The following EBF2 variants were observed in gnomAD, a reference collection of about 807,000 sequenced individuals.
EBF2 encodes transcription factor COE2.
EBF2 carries 21 observed loss-of-function variants against 72.8 expected under a neutral mutation model. That is an observed-to-expected ratio of 0.29 (90% confidence interval 0.20 to 0.42). The LOEUF is 0.42. Among genes scored for constraint, EBF2 ranks in the 10% least tolerant of loss-of-function variants. EBF2 has a pLI of 1.00. For missense variants in EBF2, 637 were observed against 731.2 expected (o/e 0.87, Z 1.49); for synonymous variants, 299 against 274.2 (o/e 1.09, Z -0.89).
chr8:25,943,819 G>A (rs2062408), intron 6 of EBF2, among the ~76,000 whole-genome samples: 132,524 of 152,196 alleles, frequency 0.87, 57,877 homozygotes, highest in African/African-American at 0.93. Flanking sequence ...GATTTGGAAC[G>A]TCATTTTCCT....
intron 10 of EBF2, among the ~76,000 whole-genome samples, chr8:25,876,933 T>G (rs1014980084): frequency 6.6e-6 from 1 of 152,230 alleles, no homozygotes; most frequent in African/African-American, 2.4e-5. Context: ...ATTACTGAAC[T>G]GCTGTCATTT....
chr8:25,875,208 C>T (rs1319998432), intron 10 of EBF2, among the ~76,000 whole-genome samples: 1 of 152,232 alleles, frequency 6.6e-6, no homozygotes, highest in Non-Finnish European at 1.5e-5. Context: ...AGGGAGGACG[C>T]TCCCCAGAGC....
Position 25,921,828 on chromosome 8 carries a change from G to A in EBF2, c.552-13273C>T, listed in dbSNP as rs148475539. Reference sequence around the variant, plus strand: ...TAAAAAATTGCTCCTCAAACGAAACGTCTCATGGGAGAACCAGAGCTTACA... The same window carrying A: ...TAAAAAATTGCTCCTCAAACGAAACATCTCATGGGAGAACCAGAGCTTACA... On this transcript the variant is annotated intron_variant, in intron 6 of 15. Coordinates refer to ENST00000520164, the MANE Select transcript of EBF2 (RefSeq NM_022659.4). Among the ~76,000 whole-genome samples the A allele has an allele frequency of 6.1e-3, 929 of 152,190 alleles. 6 individuals are homozygous for A. Among genetic ancestry groups the A allele is most frequent in the African/African-American group, 0.02 (846 of 41,534 alleles).
At chr8:26,030,656 T>C (rs1042899915) in intron 6 of EBF2, among the ~76,000 whole-genome samples, 7 of 152,164 alleles carry the variant, frequency 4.6e-5, no homozygotes, top group Admixed American at 2.6e-4. Flanking sequence ...GATACTGGAC[T>C]ATTTACAGTA....
At chr8:25,861,653 A>G (rs1042167249) in intron 11 of EBF2, among the ~76,000 whole-genome samples, 2 of 152,192 alleles carry the variant, frequency 1.3e-5, no homozygotes, top group African/African-American at 4.8e-5. Flanking sequence ...GTTTATTAAA[A>G]TTATTAAGGT....
At chr8:25,991,949 G>T (rs1219457865) in intron 6 of EBF2, among the ~76,000 whole-genome samples, 1 of 152,110 alleles carries the variant, frequency 6.6e-6, no homozygotes, top group Admixed American at 6.5e-5. Context: ...AGCAAATTGT[G>T]GCAGAGTCAT....
chr8:25,861,167 A>G lies in EBF2; in HGVS notation c.1224T>C (p.Asn408=), dbSNP rs1425265257. The G allele has an allele frequency of 1.9e-6, 3 of 1,613,950 alleles. No individual in the cohort carries two copies. In the Admixed American group the frequency reaches 5.0e-5, roughly 27 times the overall value. ...IAEALYSVPR[N]PSQLPALSSS... is the part of the protein sequence containing the mutation. ...TAGAGAGGGCTGGAAGCTGGCTGGG[A>G]TTCCTGGGGACGCTGTAGAGAGCTT... Residue 408 remains asparagine (N), a synonymous_variant, in exon 13 of 16, where the codon AAT becomes AAC. Coordinates refer to ENST00000520164, the MANE Select transcript of EBF2 (RefSeq NM_022659.4).
At chr8:26,030,961 A>T (rs577850512) in intron 6 of EBF2, among the ~76,000 whole-genome samples, 55 of 152,356 alleles carry the variant, frequency 3.6e-4, no homozygotes, top group Middle Eastern at 3.4e-3. Flanking sequence ...ATAGGAAGAA[A>T]ACATGAGCAT....
chr8:25,845,399 A>T (rs895148087), intron 15 of EBF2, among the ~76,000 whole-genome samples: 2 of 151,986 alleles, frequency 1.3e-5, no homozygotes, highest in Non-Finnish European at 2.9e-5. Flanking sequence ...ATGCCTGGTG[A>T]ATTTTTGTAT....
intron 6 of EBF2, 49 bp downstream of exon 6, chr8:26,033,036 A>C: frequency 6.4e-7 from 1 of 1,552,842 alleles, no homozygotes; most frequent in South Asian, 1.1e-5. Flanking sequence ...GTTGAGGTTC[A>C]TGAAGAAAAG....
intron 6 of EBF2, among the ~76,000 whole-genome samples, chr8:25,978,828 C>A (rs1051955755): frequency 5.9e-5 from 9 of 152,090 alleles, no homozygotes; most frequent in African/African-American, 9.7e-5. Context: ...ACAATCCATG[C>A]GGTAATGAAA....
In EBF2 at chr8:25,912,435, T is replaced by TA. The variant is rs546280908; in HGVS notation, c.552-3881dup. ...AGTTATATCTCAATACACCTGTTAT[T>TA]AAAAAAACACTTCAAAATGGTCTAA... is the stretch of plus-strand genomic sequence containing the variant. On this transcript the variant is annotated intron_variant, in intron 6 of 15. Coordinates refer to ENST00000520164, the MANE Select transcript of EBF2 (RefSeq NM_022659.4). Among the ~76,000 whole-genome samples the TA allele has an allele frequency of 1.9e-3, 263 of 137,888 alleles. 2 individuals carry two copies. Among genetic ancestry groups the TA allele is most frequent in the African/African-American group, 6.6e-3 (251 of 37,816 alleles). The allele number at this position is 137,888 out of a possible 152,430, so 90.5% of individuals were successfully genotyped here.
In EBF2 at chr8:25,844,460, C is replaced by G; in HGVS notation, c.*149G>C. 3.7e-6 allele frequency: 3 copies of G among 802,594 alleles called. No individual in the cohort carries two copies. Among genetic ancestry groups the G allele is most frequent in the Non-Finnish European group, 6.1e-6 (3 of 488,238 alleles). The allele number at this position is 802,594 out of a possible 1,614,324, so 49.7% of individuals were successfully genotyped here. On this transcript the variant is annotated 3_prime_UTR_variant, in exon 16 of 16. Transcript: ENST00000520164. Reference sequence around the variant, plus strand: ...TCAGAGCTATAGGAGGACGTGGGACCAAGTAAGATGCTGGCTCCTTGCAGA... The same window carrying G: ...TCAGAGCTATAGGAGGACGTGGGACGAAGTAAGATGCTGGCTCCTTGCAGA...
At chr8:25,983,620 C>A (rs552924879) in intron 6 of EBF2, among the ~76,000 whole-genome samples, 1 of 152,146 alleles carries the variant, frequency 6.6e-6, no homozygotes, top group African/African-American at 2.4e-5. Flanking sequence ...ACAGGAAAAG[C>A]CAGGACTCCC....
intron 10 of EBF2, among the ~76,000 whole-genome samples, chr8:25,876,473 C>T (rs192245344): frequency 6.6e-6 from 1 of 152,128 alleles, no homozygotes; most frequent in African/African-American, 2.4e-5. Flanking sequence ...CATTCTCAGA[C>T]CCTCTCAGGA....
chr8:26,031,302 G>A (rs1397374252), intron 6 of EBF2: 2 of 150,750 alleles, frequency 1.3e-5, no homozygotes, highest in Non-Finnish European at 2.9e-5. Flanking sequence ...GGGAAACACA[G>A]AAATGAACAG....
At chr8:25,938,899 AG>A (rs1319771786) in intron 6 of EBF2, among the ~76,000 whole-genome samples, 2 of 152,132 alleles carry the variant, frequency 1.3e-5, no homozygotes, top group East Asian at 3.9e-4. Flanking sequence ...AATCTTCCAA[AG>A]CACAAAGCTC....
intron 6 of EBF2, among the ~76,000 whole-genome samples, chr8:26,011,319 G>T (rs1285351058): frequency 6.6e-6 from 1 of 152,190 alleles, no homozygotes; most frequent in African/African-American, 2.4e-5. Context: ...AAAAGAAAGC[G>T]ATAGCAGCGA....
At chr8:25,853,969 G>A (rs1164007732) in intron 14 of EBF2, among the ~76,000 whole-genome samples, 1 of 152,026 alleles carries the variant, frequency 6.6e-6, no homozygotes, top group Admixed American at 6.6e-5. Context: ...ATGGGATTAT[G>A]AATACCCTTA....
Sources: gnomAD v4.1 joint callset for allele counts (sites outside exome capture counted in the v4.1 genomes callset) on GRCh38, gnomAD v4.1.1 for gene constraint, MANE v1.5 for transcripts, NCBI Gene and HGNC (gene_info 2026-07-23, HGNC 2026-07-21) for gene names.